SLC39A14: variants seen among roughly 807,000 people sequenced by gnomAD.
SLC39A14 encodes the protein metal cation symporter ZIP14.
SLC39A14 carries 19 observed loss-of-function variants against 45.5 expected under a neutral mutation model. The observed-to-expected ratio is 0.42, with a 90% CI of 0.29 to 0.61. SLC39A14 has a LOEUF of 0.61. Ranked by LOEUF, SLC39A14 falls within the 20% of genes least tolerant of loss-of-function variation. The pLI is 0.22. For synonymous variants in SLC39A14, 264 were observed against 251.3 expected, an observed-to-expected ratio of 1.05 and a Z score of -0.48; for missense variants, 447 against 616.5, an observed-to-expected ratio of 0.73 and a Z score of 2.91.
At chr8:22,399,165 C>CA (rs1834697286) in intron 1 of SLC39A14, among the ~76,000 whole-genome samples, 1 of 152,178 alleles carries the variant, frequency 6.6e-6, no homozygotes, top group Admixed American at 6.5e-5. Flanking sequence ...AGTGGCTCTC[C>CA]AGGGGCCACA....
At chr8:22,401,013 G>A (rs1834822219) in intron 1 of SLC39A14, among the ~76,000 whole-genome samples, 1 of 152,244 alleles carries the variant, frequency 6.6e-6, no homozygotes, top group African/African-American at 2.4e-5. Context: ...AATCTAATGA[G>A]GTGGATACCA....
At chr8:22,410,175 C>T in intron 3 of SLC39A14, 1 of 1,561,036 alleles carries the variant, frequency 6.4e-7, no homozygotes, top group Non-Finnish European at 8.8e-7. Flanking sequence ...CTGAGCCAAT[C>T]CCCTCCTCCC....
chr8:22,405,612 C>A (rs1358628071), intron 2 of SLC39A14, among the ~76,000 whole-genome samples: 2 of 152,174 alleles, frequency 1.3e-5, no homozygotes. Context: ...ACTGAGAAAA[C>A]ACGGCTCCCA....
Position 22,372,904 on chromosome 8 carries a change from A to C in SLC39A14, c.-16+5496A>C, listed in dbSNP as rs146133114. 1.3e-3 allele frequency among the ~76,000 whole-genome samples: 194 copies of C among 152,224 alleles called. 2 individuals are homozygous for C. The highest frequency in any genetic ancestry group is 5.0e-3 in the East Asian group (26 of 5,184). ...TCTGCCTCAGCCTCAAGACTGAGAAATTTTAAAATAGTTATTTATTCATTT... is the reference window on the plus strand; with the variant it reads ...TCTGCCTCAGCCTCAAGACTGAGAACTTTTAAAATAGTTATTTATTCATTT... On this transcript the variant is annotated intron_variant, in intron 1 of 8. Coordinates refer to ENST00000381237, the MANE Select transcript of SLC39A14 (RefSeq NM_001128431.4).
chr8:22,376,372 A>G (rs1833218323), intron 1 of SLC39A14, among the ~76,000 whole-genome samples: 1 of 145,260 alleles, frequency 6.9e-6, no homozygotes. Context: ...CAGTAGAGAC[A>G]GGGTTTCACC....
chr8:22,384,054 G>A (rs1833654118), intron 1 of SLC39A14, among the ~76,000 whole-genome samples: 1 of 152,102 alleles, frequency 6.6e-6, no homozygotes, highest in Non-Finnish European at 1.5e-5. Context: ...CCCAGCAGAC[G>A]CTCTGTGGTG....
downstream of SLC39A14, among the ~76,000 whole-genome samples, chr8:22,423,812 C>CTCTCTCTCTCTCTCT (rs1554523073): frequency 3.9e-4 from 54 of 138,884 alleles, no homozygotes; most frequent in South Asian, 6.5e-4. Context: ...CTCTCTCTCT[C>CTCTCTCTCTCTCTCT]ATCTATCTTC....
intron 2 of SLC39A14, among the ~76,000 whole-genome samples, chr8:22,406,678 G>A (rs1344934225): frequency 1.3e-5 from 2 of 152,170 alleles, no homozygotes; most frequent in East Asian, 3.9e-4. Context: ...GCGACAGAGC[G>A]AGACTCCATC....
intron 5 of SLC39A14, 175 bp from the exon 6 acceptor site, chr8:22,415,594 C>A (rs1473880551): frequency 6.6e-6 from 4 of 602,348 alleles, no homozygotes; most frequent in East Asian, 6.1e-5. Context: ...CCGTGCCCGA[C>A]CATGGCTTTA....
intron 1 of SLC39A14, among the ~76,000 whole-genome samples, chr8:22,371,970 C>G (rs1563469908): frequency 6.6e-6 from 1 of 151,928 alleles, no homozygotes; most frequent in Non-Finnish European, 1.5e-5. Context: ...GTCTCCAACT[C>G]CTGACTTTGT....
chr8:22,429,732 C>T (rs958168988), intron 8 of SLC39A14, among the ~76,000 whole-genome samples: 2 of 152,204 alleles, frequency 1.3e-5, no homozygotes, highest in Admixed American at 1.3e-4. Context: ...ATTCATTCAA[C>T]AAATTGTTGA....
intron 1 of SLC39A14, among the ~76,000 whole-genome samples, chr8:22,373,853 A>G (rs1281184207): frequency 1.3e-5 from 2 of 150,266 alleles, no homozygotes; most frequent in African/African-American, 4.9e-5. Context: ...TATACCTCCC[A>G]GGTTCAAGTG....
At chr8:22,423,775 C>G (rs1460030772), downstream of SLC39A14, among the ~76,000 whole-genome samples, 15 of 79,908 alleles carry the variant, frequency 1.9e-4, no homozygotes, top group Non-Finnish European at 8.4e-5. Flanking sequence ...CCTATACTCA[C>G]TTTAATTGGT....
Position 22,371,414 on chromosome 8 carries a change from C to CTTTT in SLC39A14, c.-16+4040_-16+4043dup, listed in dbSNP as rs373230777. Among the ~76,000 whole-genome samples the CTTTT allele has an allele frequency of 1.3e-4, 16 of 120,122 alleles. 3 individuals carry two copies. Among genetic ancestry groups the CTTTT allele is most frequent in the South Asian group, 2.6e-4 (1 of 3,866 alleles). 78.8% of individuals were successfully genotyped at this position (120,122 alleles called of 152,430 possible). A position where few individuals can be genotyped will look rare whatever the true frequency, so the allele number is the denominator to read the frequency against. On this transcript the variant is annotated intron_variant, in intron 1 of 8. Transcript: ENST00000381237. ...GGATATCTAAAAAAAAAATACATGTCTTTTTTTTTTTTTTTTTTTTTTTTT... is the reference window on the plus strand; with the variant it reads ...GGATATCTAAAAAAAAAATACATGTCTTTTTTTTTTTTTTTTTTTTTTTTTTTTT...
At chr8:22,384,665 T>C (rs1252836562) in intron 1 of SLC39A14, among the ~76,000 whole-genome samples, 1 of 150,804 alleles carries the variant, frequency 6.6e-6, no homozygotes, top group Admixed American at 6.7e-5. Context: ...AAGGATCGCC[T>C]GAACCTGGGA....
intron 1 of SLC39A14, among the ~76,000 whole-genome samples, chr8:22,368,238 C>A (rs1832741210): frequency 6.6e-6 from 1 of 152,146 alleles, no homozygotes. Flanking sequence ...GGGTTAGGAG[C>A]AGCTTTGACC....
In SLC39A14 at chr8:22,408,118, T is replaced by A. The variant is rs375156741; in HGVS notation, c.271-192T>A. ...TTCCTGGCTGGCTGAGCCATAAGGA[T>A]TAGTTACTAGTTTTTTAAGTTTAGG... is the stretch of plus-strand genomic sequence containing the variant. On this transcript the variant is annotated intron_variant, in intron 2 of 8. Coordinates refer to ENST00000381237, the MANE Select transcript of SLC39A14 (RefSeq NM_001128431.4). Among the ~76,000 whole-genome samples, 12 of 152,294 alleles carry A rather than the reference T, an allele frequency of 7.9e-5. 1 individual carries two copies. The East Asian group carries it at 2.3e-3, about 29-fold the overall frequency.
chr8:22,405,358 C>T (rs567471828), intron 2 of SLC39A14, among the ~76,000 whole-genome samples: 3 of 152,316 alleles, frequency 2.0e-5, no homozygotes, highest in South Asian at 2.1e-4. Flanking sequence ...ACTAGAAATA[C>T]AAGAATTAGC....
intron 7 of SLC39A14, among the ~76,000 whole-genome samples, chr8:22,416,512 C>T (rs1835891979): frequency 6.6e-6 from 1 of 152,058 alleles, no homozygotes; most frequent in Admixed American, 6.6e-5. Context: ...GCAACCTCCA[C>T]CTCCTGGGTT....
Sources: gnomAD v4.1 joint callset for allele counts (sites outside exome capture counted in the v4.1 genomes callset) on GRCh38, gnomAD v4.1.1 for gene constraint, MANE v1.5 for transcripts, NCBI Gene and HGNC (gene_info 2026-07-23, HGNC 2026-07-21) for gene names.